The following NAALADL2 variants were observed in gnomAD, a reference collection of about 807,000 sequenced individuals.
NAALADL2 encodes the protein inactive N-acetylated-alpha-linked acidic dipeptidase-like protein 2.
In NAALADL2, 76 loss-of-function variants were observed where a neutral mutation model predicts 87.2. That is an observed-to-expected ratio of 0.87 (90% CI 0.72 to 1.05). The LOEUF is 1.05. Among genes scored for constraint, NAALADL2 ranks in the 50% least tolerant of loss-of-function variants. The pLI is 0.00. For missense variants in NAALADL2, 1,089 were observed against 945.8 expected (o/e 1.15, Z -1.99); for synonymous variants, 354 against 331.0 (o/e 1.07, Z -0.75).
At chr3:175,610,870 A>G (rs528953548) in intron 10 of NAALADL2, among the ~76,000 whole-genome samples, 24 of 152,204 alleles carry the variant, frequency 1.6e-4, no homozygotes, top group African/African-American at 5.1e-4. Flanking sequence ...GTTCTCGTTT[A>G]ATAATATTGA....
At chr3:174,719,436 A>G (rs886413708) in intron 2 of NAALADL2, among the ~76,000 whole-genome samples, 2 of 152,212 alleles carry the variant, frequency 1.3e-5, no homozygotes, top group Admixed American at 6.5e-5. Flanking sequence ...CAAAAGAGGT[A>G]TATAACTTTA....
intron 3 of NAALADL2, among the ~76,000 whole-genome samples, chr3:174,746,713 G>C (rs1241110311): frequency 6.6e-6 from 1 of 152,054 alleles, no homozygotes; most frequent in Non-Finnish European, 1.5e-5. Flanking sequence ...AAAACAGCAT[G>C]GTACTGGTAT....
At chr3:175,738,174 G>T (rs113957928) in intron 12 of NAALADL2, among the ~76,000 whole-genome samples, 49 of 152,208 alleles carry the variant, frequency 3.2e-4, no homozygotes, top group African/African-American at 9.6e-4. Context: ...TAACTGTAGA[G>T]CTGAAACAGT....
chr3:175,009,943 C>T (rs952200602), intron 1 of NAALADL2, among the ~76,000 whole-genome samples: 12 of 151,948 alleles, frequency 7.9e-5, no homozygotes, highest in Middle Eastern at 6.8e-3. Context: ...TTAACAAAAT[C>T]ACGCTGAAGT....
intron 9 of NAALADL2, among the ~76,000 whole-genome samples, chr3:175,506,433 T>G (rs1232059040): frequency 6.6e-6 from 1 of 152,324 alleles, no homozygotes; most frequent in East Asian, 1.9e-4. Flanking sequence ...CATCTTCCAC[T>G]CTCTAAATGT....
At chr3:174,508,340 C>T (rs1410654563) in intron 1 of NAALADL2, among the ~76,000 whole-genome samples, 1 of 152,036 alleles carries the variant, frequency 6.6e-6, no homozygotes, top group Admixed American at 6.5e-5. Context: ...GTCTCGATCT[C>T]CTGACCTTGT....
At chr3:174,695,866 C>T (rs1277614503) in intron 2 of NAALADL2, among the ~76,000 whole-genome samples, 1 of 151,958 alleles carries the variant, frequency 6.6e-6, no homozygotes, top group African/African-American at 2.4e-5. Context: ...GCAAAAGTAA[C>T]ATCCCTCTAG....
intron 12 of NAALADL2, among the ~76,000 whole-genome samples, chr3:175,751,623 C>A (rs1171953448): frequency 1.3e-5 from 2 of 152,082 alleles, no homozygotes; most frequent in Non-Finnish European, 2.9e-5. Context: ...ATTAAGTAAA[C>A]CATACTGTAA....
At chr3:174,986,826 G>T (rs1183474941) in intron 1 of NAALADL2, among the ~76,000 whole-genome samples, 1 of 152,062 alleles carries the variant, frequency 6.6e-6, no homozygotes, top group Non-Finnish European at 1.5e-5. Flanking sequence ...TTAGTAGGAG[G>T]GTATTTATTT....
intron 3 of NAALADL2, among the ~76,000 whole-genome samples, chr3:174,777,450 A>T (rs1715351786): frequency 6.6e-6 from 1 of 152,142 alleles, no homozygotes; most frequent in African/African-American, 2.4e-5. Context: ...GTTTTAAGAT[A>T]CTTTTGAACT....
chr3:175,196,782 A>G (rs967482494), intron 2 of NAALADL2, among the ~76,000 whole-genome samples: 2 of 151,910 alleles, frequency 1.3e-5, no homozygotes, highest in Admixed American at 1.3e-4. Context: ...CTTTTTAACA[A>G]TGATCCTTAC....
chr3:174,759,360 C>G (rs1473976371), intron 3 of NAALADL2, among the ~76,000 whole-genome samples: 11 of 152,164 alleles, frequency 7.2e-5, no homozygotes, highest in Admixed American at 7.2e-4. Context: ...CCTGTGCAAA[C>G]TCTTCCCTTG....
At chr3:174,857,258 G>A (rs1227220819), upstream of NAALADL2, among the ~76,000 whole-genome samples, 1 of 152,116 alleles carries the variant, frequency 6.6e-6, no homozygotes, top group East Asian at 1.9e-4. Flanking sequence ...AGACCCAGAA[G>A]GAGAAAGAAA....
chr3:175,407,857 G>A (rs530917918), intron 5 of NAALADL2, among the ~76,000 whole-genome samples: 103 of 152,258 alleles, frequency 6.8e-4, no homozygotes, highest in Non-Finnish European at 1.2e-3. Context: ...CTTAGTAACA[G>A]GTTGTCTAAC....
intron 2 of NAALADL2, among the ~76,000 whole-genome samples, chr3:174,725,512 G>A (rs1466677925): frequency 1.3e-5 from 2 of 152,156 alleles, no homozygotes; most frequent in African/African-American, 4.8e-5. Context: ...CAAGGTGGCT[G>A]TACCTGAAAT....
chr3:175,428,974 T>C (rs1341670269), intron 5 of NAALADL2, among the ~76,000 whole-genome samples: 1 of 152,044 alleles, frequency 6.6e-6, no homozygotes, highest in Admixed American at 6.6e-5. Flanking sequence ...CATATTAAAA[T>C]ACAGAGTATG....
At chr3:174,558,901 C>T (rs1457519224) in intron 2 of NAALADL2, among the ~76,000 whole-genome samples, 1 of 152,154 alleles carries the variant, frequency 6.6e-6, no homozygotes, top group African/African-American at 2.4e-5. Context: ...GCTTCCCCTC[C>T]ACTTGCTGCA....
At chr3:175,012,641 C>A (rs1245666927) in intron 1 of NAALADL2, among the ~76,000 whole-genome samples, 1 of 151,966 alleles carries the variant, frequency 6.6e-6, no homozygotes, top group East Asian at 1.9e-4. Flanking sequence ...TCTGGCCCAC[C>A]ACCTGTTTTT....
chr3:175,677,442 C>G (rs539534487), intron 11 of NAALADL2, among the ~76,000 whole-genome samples: 4 of 149,670 alleles, frequency 2.7e-5, no homozygotes, highest in African/African-American at 7.4e-5. Context: ...AAATTTTAAC[C>G]TGTATTTTTT....
Sources: allele counts gnomAD v4.1 joint callset (sites outside exome capture counted in the v4.1 genomes callset), GRCh38; gene constraint gnomAD v4.1.1; transcripts MANE v1.5; gene names NCBI Gene and HGNC (gene_info 2026-07-23, HGNC 2026-07-21).